The following KIF26B variants were observed in gnomAD, a reference collection of about 807,000 sequenced individuals.
The protein encoded by KIF26B is kinesin-like protein KIF26B.
Under a neutral mutation model 151.2 loss-of-function variants are expected in KIF26B, and 63 were observed. That is an observed-to-expected ratio of 0.42 (90% CI 0.34 to 0.51). The LOEUF (loss-of-function observed/expected upper bound fraction) is 0.51, where lower values mean the gene tolerates loss of function less well. Ranked by LOEUF, KIF26B falls within the 20% of genes least tolerant of loss-of-function variation. The probability of loss-of-function intolerance (pLI) is 0.07; values close to 1 mark genes in which losing one functional copy is unlikely to be tolerated. For synonymous variants in KIF26B, 1,357 were observed against 1,262.1 expected (o/e 1.08, Z -1.59); for missense variants, 2,813 against 2,913.6 (o/e 0.97, Z 0.79).
intron 10 of KIF26B, among the ~76,000 whole-genome samples, chr1:245,664,068 A>C (rs916041502): frequency 2.0e-5 from 3 of 152,130 alleles, no homozygotes; most frequent in Non-Finnish European, 4.4e-5. Flanking sequence ...ATTTACTAAG[A>C]CTTAAAAATA....
chr1:245,423,675 A>G (rs1416968384), intron 4 of KIF26B, among the ~76,000 whole-genome samples: 1 of 152,184 alleles, frequency 6.6e-6, no homozygotes, highest in African/African-American at 2.4e-5. Context: ...GAGGATTCCT[A>G]CCTTTACACG....
rs535824215 is a variant in KIF26B at position 245,651,479 on chromosome 1, T to C, written c.2258+5199T>C. Among the ~76,000 whole-genome samples, 22 of 152,260 alleles carry C rather than the reference T, an allele frequency of 1.4e-4. No individual in the cohort carries two copies. The South Asian group carries it at 4.4e-3, about 30-fold the overall frequency. Reference sequence around the variant, plus strand: ...GAGAAGTGCTTCCTCCTAGAGCCCATGGAGATTTGGGATTAGCCTCTCCTT... The same window carrying C: ...GAGAAGTGCTTCCTCCTAGAGCCCACGGAGATTTGGGATTAGCCTCTCCTT... On this transcript the variant is annotated intron_variant, in intron 10 of 14. Coordinates refer to ENST00000407071, the MANE Select transcript of KIF26B (RefSeq NM_018012.4).
At chr1:245,565,978 G>A (rs2043005506) in intron 5 of KIF26B, among the ~76,000 whole-genome samples, 1 of 152,174 alleles carries the variant, frequency 6.6e-6, no homozygotes, top group Admixed American at 6.5e-5. Context: ...TAGAGAGAAG[G>A]GGGAGGCCCC....
In KIF26B at chr1:245,244,756, T is replaced by TCACACACACACACACACACACA. The variant is rs55638619; in HGVS notation, c.465+88088_465+88109dup. 2.8e-5 allele frequency among the ~76,000 whole-genome samples: 4 copies of TCACACACACACACACACACACA among 144,464 alleles called. No individual in the cohort carries two copies. Among genetic ancestry groups the TCACACACACACACACACACACA allele is most frequent in the Non-Finnish European group, 6.0e-5 (4 of 66,328 alleles). 94.8% of individuals were successfully genotyped at this position (144,464 alleles called of 152,430 possible). On this transcript the variant is annotated intron_variant, in intron 2 of 14. Transcript: ENST00000407071. This position sits in a 1 kb window ranked among gnomAD's most constrained non-coding sequence, Gnocchi z 4.2. ...AGAAGGAACACACAGACACGCACAC[T>TCACACACACACACACACACACA]CACACACACACACACACACACACAC...
chr1:245,413,155 T>A (rs1093961), intron 3 of KIF26B, among the ~76,000 whole-genome samples: 1 of 152,020 alleles, frequency 6.6e-6, no homozygotes, highest in Non-Finnish European at 1.5e-5. Context: ...GACCACCCCG[T>A]GTGTTTTCGG....
intron 2 of KIF26B, among the ~76,000 whole-genome samples, chr1:245,303,368 T>TC (rs1671474615): frequency 6.6e-6 from 1 of 150,694 alleles, no homozygotes; most frequent in South Asian, 2.1e-4. Context: ...CCGGCTAATT[T>TC]TTTGTATTTT....
intron 3 of KIF26B, among the ~76,000 whole-genome samples, chr1:245,370,171 G>T (rs540820119): frequency 3.0e-4 from 45 of 152,004 alleles, no homozygotes; most frequent in Non-Finnish European, 5.7e-4. Flanking sequence ...TCATACACTC[G>T]CAATTTGTAA....
chr1:245,352,863 CGTGG>C lies in KIF26B; in HGVS notation c.466-13963_466-13960del, dbSNP rs1348146105. Reference sequence around the variant, plus strand: ...TGTGTGTGTGTGTGTGTGTGGTGGGCGTGGGTGGGTGTGTAGAGTAGGGAAAAGG... The same window carrying C: ...TGTGTGTGTGTGTGTGTGTGGTGGGCGTGGGTGTGTAGAGTAGGGAAAAGG... On this transcript the variant is annotated intron_variant, in intron 2 of 14. Transcript: ENST00000407071. This position sits in a 1 kb window ranked among gnomAD's most constrained non-coding sequence, Gnocchi z 5.0. 6.6e-6 allele frequency among the ~76,000 whole-genome samples: 1 copy of C among 151,482 alleles called. No individual in the cohort carries two copies. Among genetic ancestry groups the C allele is most frequent in the Non-Finnish European group, 1.5e-5 (1 of 67,892 alleles).
At chr1:245,614,910 ATG>A (rs1280444336) in intron 9 of KIF26B, 2 of 70,088 alleles carry the variant, frequency 2.9e-5, no homozygotes, top group African/African-American at 1.5e-4. Flanking sequence ...GGATGAGGAG[ATG>A]CAGACCTTTA....
chr1:245,561,674 G>C (rs2042953118), intron 5 of KIF26B, among the ~76,000 whole-genome samples: 3 of 152,064 alleles, frequency 2.0e-5, no homozygotes, highest in Non-Finnish European at 4.4e-5. Flanking sequence ...TAACTCATTT[G>C]CATATACCAA....
At position 245,626,925 on chromosome 1, in the gene KIF26B, G is replaced by A. The variant is rs114825514; in HGVS notation, c.2098+14949G>A. Among the ~76,000 whole-genome samples the A allele has an allele frequency of 3.6e-3, 545 of 152,172 alleles. 1 individual carries two copies. The highest frequency in any genetic ancestry group is 0.012 in the African/African-American group (509 of 41,520). The stretch of plus-strand genomic sequence containing the variant: ...ATTTTTATATATGGTAAGAGATAGC[G>A]GTCTAGTTTCACCCTTCTGCTTATG... On this transcript the variant is annotated intron_variant, in intron 9 of 14. Transcript: ENST00000407071.
chr1:245,289,702 A>G (rs199776301), intron 2 of KIF26B, among the ~76,000 whole-genome samples: 7 of 26,248 alleles, frequency 2.7e-4, no homozygotes, highest in Admixed American at 1.1e-3. Flanking sequence ...TGGTGATAGG[A>G]TTCCCAATTT....
At chr1:245,262,332 T>C (rs982397359) in intron 2 of KIF26B, among the ~76,000 whole-genome samples, 1 of 152,230 alleles carries the variant, frequency 6.6e-6, no homozygotes, top group African/African-American at 2.4e-5. Context: ...TTGCTGACTT[T>C]TAAGAGACAT....
At chr1:245,215,331 C>A (rs969934900) in intron 2 of KIF26B, among the ~76,000 whole-genome samples, 1 of 152,092 alleles carries the variant, frequency 6.6e-6, no homozygotes, top group Non-Finnish European at 1.5e-5. Flanking sequence ...CTCCCTTCAC[C>A]GTGCTATTGG....
intron 3 of KIF26B, among the ~76,000 whole-genome samples, chr1:245,409,895 G>A (rs1674233787): frequency 6.6e-6 from 1 of 152,112 alleles, no homozygotes; most frequent in African/African-American, 2.4e-5. Flanking sequence ...AACAGCAGCA[G>A]GAAAAAGCTA....
intron 3 of KIF26B, among the ~76,000 whole-genome samples, chr1:245,409,344 C>A (rs1349369882): frequency 1.3e-5 from 2 of 152,190 alleles, no homozygotes; most frequent in Non-Finnish European, 2.9e-5. Context: ...AGCAGGCGGG[C>A]AGCCCTGCCC....
chr1:245,414,791 C>A (rs1674377651), intron 3 of KIF26B, among the ~76,000 whole-genome samples: 2 of 152,224 alleles, frequency 1.3e-5, no homozygotes, highest in Admixed American at 6.5e-5. Context: ...TGGCTGACTA[C>A]AAGTTTCTTT....
chr1:245,645,723 A>G (rs1341736314), intron 9 of KIF26B, among the ~76,000 whole-genome samples: 1 of 152,204 alleles, frequency 6.6e-6, no homozygotes, highest in East Asian at 1.9e-4. Flanking sequence ...CAAAGCAGGT[A>G]ATCACTCATG....
At chr1:245,696,081 A>G (rs950472451) in intron 12 of KIF26B, among the ~76,000 whole-genome samples, 17 of 152,190 alleles carry the variant, frequency 1.1e-4, no homozygotes, top group Non-Finnish European at 2.5e-4. Context: ...GATGGCCCCC[A>G]TGGTCTCTGC....
Sources: allele counts gnomAD v4.1 joint callset (sites outside exome capture counted in the v4.1 genomes callset), GRCh38; gene constraint gnomAD v4.1.1; non-coding constraint Gnocchi (gnomAD v3.1); transcripts MANE v1.5; gene names NCBI Gene and HGNC (gene_info 2026-07-23, HGNC 2026-07-21).